The following RHAG variants were observed in gnomAD, a reference collection of about 807,000 sequenced individuals.
RHAG encodes the protein Rh associated glycoprotein, also known as ammonium transporter Rh type A.
In RHAG, 25 loss-of-function variants were observed where a neutral mutation model predicts 42.4. The ratio of observed to expected loss-of-function variants is 0.59; its 90% CI spans 0.43 to 0.82. The LOEUF is 0.82. RHAG is among the 40% of genes least tolerant of loss of function. The pLI is 0.00. For synonymous variants in RHAG, 182 were observed against 177.7 expected (o/e 1.02, Z -0.19); for missense variants, 483 against 504.6 (o/e 0.96, Z 0.41).
intron 2 of RHAG, 27 bp from the exon 3 acceptor site, chr6:49,618,245 G>A: frequency 1.2e-6 from 2 of 1,613,766 alleles, no homozygotes; most frequent in African/African-American, 1.3e-5. Context: ...ATAAATTGAA[G>A]AGTAATGCAC....
At chr6:49,619,687 C>T (rs145537986) in intron 1 of RHAG, among the ~76,000 whole-genome samples, 11 of 152,278 alleles carry the variant, frequency 7.2e-5, no homozygotes, top group Non-Finnish European at 1.3e-4. Context: ...CAAGCATCAC[C>T]CCTTCTTGAA....
At chr6:49,630,434 A>T (rs1184294741) in intron 1 of RHAG, among the ~76,000 whole-genome samples, 1 of 152,168 alleles carries the variant, frequency 6.6e-6, no homozygotes, top group Non-Finnish European at 1.5e-5. Context: ...AAATAAATAG[A>T]TTACTGGTGA....
At chr6:49,626,487 T>TGGGCAGCTCTGCCTCTGTGGCTTTTCAGG (rs1202608376) in intron 1 of RHAG, among the ~76,000 whole-genome samples, 4 of 152,212 alleles carry the variant, frequency 2.6e-5, no homozygotes, top group Non-Finnish European at 5.9e-5. Flanking sequence ...CCCATGGCCT[T>TGGGCAGCTCTGCCTCTGTGGCTTTTCAGG]GGGCAGCTCT....
At chr6:49,617,732 T>C (rs185176313) in intron 3 of RHAG, among the ~76,000 whole-genome samples, 77 of 152,322 alleles carry the variant, frequency 5.1e-4, no homozygotes, top group Non-Finnish European at 4.7e-4. Context: ...GAATTCATCA[T>C]TGATAGGCAA....
intron 7 of RHAG, among the ~76,000 whole-genome samples, chr6:49,609,625 A>C (rs1293369294): frequency 1.3e-5 from 2 of 152,238 alleles, no homozygotes; most frequent in Non-Finnish European, 2.9e-5. Flanking sequence ...AAGGGTTAAA[A>C]AATACAGAAG....
At chr6:49,631,203 A>G (rs1276453894) in intron 1 of RHAG, among the ~76,000 whole-genome samples, 1 of 152,222 alleles carries the variant, frequency 6.6e-6, no homozygotes, top group Admixed American at 6.5e-5. Flanking sequence ...CTATAAGTGT[A>G]ACTTTGACCC....
At chr6:49,606,201 C>T (rs1774161026) in intron 9 of RHAG, among the ~76,000 whole-genome samples, 1 of 152,166 alleles carries the variant, frequency 6.6e-6, no homozygotes, top group South Asian at 2.1e-4. Flanking sequence ...TCAAATTCTT[C>T]AACCTTATAT....
intron 2 of RHAG, among the ~76,000 whole-genome samples, chr6:49,618,544 T>G (rs996075425): frequency 4.6e-5 from 7 of 152,178 alleles, no homozygotes; most frequent in Admixed American, 1.3e-4. Flanking sequence ...TAATGGGAAA[T>G]TTTTGCTCCC....
chr6:49,612,530 T>C lies in RHAG; in HGVS notation c.812A>G (p.His271Arg). The change falls in exon 6 of 10, where the codon CAC becomes CGC. Residue 271 changes from histidine (H) to arginine (R), a missense_variant. Coordinates refer to ENST00000371175, the MANE Select transcript of RHAG (RefSeq NM_000324.3). ...TCCAGCAAGGGTGGCATTCTGAATG[T>C]GAACCTGTGTGAGCGGCAGAAACAT... ...VEHRGKLNMVHIQNATLAGGV... is the reference protein window; with the variant it reads ...VEHRGKLNMVRIQNATLAGGV... 6.2e-7 allele frequency: 1 copy of C among 1,614,014 alleles called. No homozygotes were observed. The highest frequency in any genetic ancestry group is 8.5e-7 in the Non-Finnish European group (1 of 1,179,922).
intron 1 of RHAG, 130 bp from the exon 2 acceptor site, chr6:49,619,492 G>A (rs1762717117): frequency 2.2e-6 from 2 of 907,076 alleles, no homozygotes; most frequent in African/African-American, 1.6e-5. Flanking sequence ...CATTTAACTG[G>A]GAAGCAAAAG....
chr6:49,619,440 T>C (rs1206374788), intron 1 of RHAG, 78 bp from the exon 2 acceptor site: 29 of 1,293,270 alleles, frequency 2.2e-5, no homozygotes, highest in Non-Finnish European at 3.1e-5. Flanking sequence ...ACCCCACTTA[T>C]TAAGTGCTAC....
intron 4 of RHAG, chr6:49,615,083 G>T (rs1762631009): frequency 1.0e-5 from 5 of 496,650 alleles, no homozygotes; most frequent in Non-Finnish European, 1.8e-5. Flanking sequence ...GAGTAGCTGG[G>T]ATTACAGGTG....
intron 1 of RHAG, among the ~76,000 whole-genome samples, chr6:49,621,227 A>T (rs1762753960): frequency 6.6e-6 from 1 of 152,156 alleles, no homozygotes; most frequent in Admixed American, 6.5e-5. Flanking sequence ...TCAGATCAAA[A>T]GACTTATTCC....
chr6:49,612,361 A>T, intron 6 of RHAG, 36 bp downstream of exon 6: 1 of 1,611,400 alleles, frequency 6.2e-7, no homozygotes, highest in African/African-American at 1.3e-5. Context: ...AAAGGTGCAG[A>T]TTCAGAGTTT....
intron 1 of RHAG, among the ~76,000 whole-genome samples, chr6:49,629,573 A>G (rs1014785907): frequency 7.2e-5 from 11 of 151,834 alleles, no homozygotes; most frequent in Middle Eastern, 3.4e-3. Flanking sequence ...TGGGTGGTCG[A>G]TGGGACTGGG....
In RHAG at chr6:49,612,349, A is replaced by G. The variant is rs369986125; in HGVS notation, c.945+48T>C. 4 of 1,605,782 alleles carry G rather than the reference A, an allele frequency of 2.5e-6. No individual in the cohort carries two copies. In the African/African-American group the frequency reaches 5.4e-5, roughly 21 times the overall value. ...TTTTCTGCTGGTGGGACATGTGAGA[A>G]AAAAGGTGCAGATTCAGAGTTTGAC... On this transcript the variant is annotated intron_variant, in intron 6 of 9. Coordinates refer to ENST00000371175, the MANE Select transcript of RHAG (RefSeq NM_000324.3).
chr6:49,610,432 T>C (rs1762554136), intron 7 of RHAG, among the ~76,000 whole-genome samples: 1 of 152,146 alleles, frequency 6.6e-6, no homozygotes. Context: ...ATACCCAACT[T>C]AGGGAAGAAT....
At chr6:49,607,285 A>C in intron 7 of RHAG, 65 bp from the exon 8 acceptor site, 1 of 1,314,426 alleles carries the variant, frequency 7.6e-7, no homozygotes, top group Admixed American at 1.8e-5. Context: ...AGTCTCACTC[A>C]CTGAGGGTGT....
chr6:49,625,797 A>C (rs1762834134), intron 1 of RHAG, among the ~76,000 whole-genome samples: 1 of 152,192 alleles, frequency 6.6e-6, no homozygotes, highest in Non-Finnish European at 1.5e-5. Flanking sequence ...TAGTCTGTAG[A>C]GGAAAAAGGT....
Sources: allele counts gnomAD v4.1 joint callset (sites outside exome capture counted in the v4.1 genomes callset), GRCh38; gene constraint gnomAD v4.1.1; transcripts MANE v1.5; gene names NCBI Gene and HGNC (gene_info 2026-07-23, HGNC 2026-07-21).